EIF5B: variants seen among roughly 807,000 people sequenced by gnomAD.
The protein encoded by EIF5B is eukaryotic translation initiation factor 5B, also known as eIF-5B.
In EIF5B, 47 loss-of-function variants were observed where a neutral mutation model predicts 147.5. The observed-to-expected ratio is 0.32, with a 90% CI of 0.25 to 0.41. The LOEUF (loss-of-function observed/expected upper bound fraction) is 0.41, where lower values mean the gene tolerates loss of function less well. Ranked by LOEUF, EIF5B falls within the 10% of genes least tolerant of loss-of-function variation. EIF5B has a pLI of 1.00. For synonymous variants in EIF5B, 455 were observed against 456.2 expected, an observed-to-expected ratio of 1.00 and a Z score of 0.03; for missense variants, 1,064 against 1,413.2, an observed-to-expected ratio of 0.75 and a Z score of 3.96.
At chr2:99,398,724 T>G (rs1487750256) in intron 22 of EIF5B, 24 bp from the exon 23 acceptor site, 1 of 1,595,934 alleles carries the variant, frequency 6.3e-7, no homozygotes, top group African/African-American at 1.3e-5. Flanking sequence ...TCTGCATGCA[T>G]TTTAATTTGT....
In EIF5B at chr2:99,369,451, A is replaced by C. The variant is rs759997724; in HGVS notation, c.1447A>C (p.Lys483Gln). ...VEVMEQGVPE[K>Q]EETPPPVEPE... ...AGTTATGGAACAAGGAGTACCAGAA[A>C]AGGAAGAGACACCACCTCCTGTTGA... is the stretch of plus-strand genomic sequence containing the variant. Residue 483 changes from lysine (K) to glutamine (Q), a missense_variant, in exon 8 of 24, where the codon AAG (lysine) becomes CAG (glutamine). Around this residue, in one of 4 missense-constraint regions of EIF5B, gnomAD observed 195 missense variants for 186.3 expected, o/e 1.05. Transcript: ENST00000289371. The C allele has an allele frequency of 6.2e-7, 1 of 1,610,656 alleles. No homozygotes were observed. The highest frequency in any genetic ancestry group is 1.7e-5 in the Admixed American group (1 of 59,918).
At position 99,382,244 on chromosome 2, in the gene EIF5B, C is replaced by CT. The variant is rs758527035; in HGVS notation, c.2129+22dup. ...TCTTTCAGGTAAGAGCAATTTGAGT[C>CT]TTTTCTCATCAAGCAATCTACTTGA... On this transcript the variant is annotated intron_variant, in intron 13 of 23. Transcript: ENST00000289371. The CT allele has an allele frequency of 6.2e-7, 1 of 1,606,292 alleles. No homozygotes were observed. Among genetic ancestry groups the CT allele is most frequent in the Non-Finnish European group, 8.5e-7 (1 of 1,173,878 alleles).
At chr2:99,389,421 A>T (rs901772530) in intron 14 of EIF5B, among the ~76,000 whole-genome samples, 2 of 152,188 alleles carry the variant, frequency 1.3e-5, no homozygotes, top group Non-Finnish European at 2.9e-5. Context: ...CGGAATTCCA[A>T]CAATATACAT....
At chr2:99,376,928 C>T (rs993125234) in intron 10 of EIF5B, among the ~76,000 whole-genome samples, 5 of 152,106 alleles carry the variant, frequency 3.3e-5, no homozygotes, top group African/African-American at 9.7e-5. Flanking sequence ...CAGAGGTATT[C>T]TGAGCATATG....
At chr2:99,366,472 C>T (rs1431612849) in intron 6 of EIF5B, among the ~76,000 whole-genome samples, 1 of 152,196 alleles carries the variant, frequency 6.6e-6, no homozygotes, top group African/African-American at 2.4e-5. Flanking sequence ...TCTTACCAGT[C>T]ATAGCTATGG....
Position 99,376,529 on chromosome 2 carries a change from T to G in EIF5B, c.1735T>G (p.Leu579Val), listed in dbSNP as rs1674567552. Residue 579 changes from leucine (L) to valine (V), a missense_variant, in exon 10 of 24, where the codon TTA becomes GTA. This residue lies in a region of EIF5B where 195 missense variants were observed against 186.3 expected (regional missense o/e 1.05). Transcript: ENST00000289371. ...AGATGAGAAGGATTCAGGGAAGACA[T>G]TAGATAAAAAGCCAAGTAAAGAAAT... Reference protein sequence around the residue: ...VSDEKDSGKTLDKKPSKEMSS... With the variant: ...VSDEKDSGKTVDKKPSKEMSS... 1.9e-6 allele frequency: 3 copies of G among 1,613,916 alleles called. No individual in the cohort carries two copies. The highest frequency in any genetic ancestry group is 2.5e-6 in the Non-Finnish European group (3 of 1,179,980).
intron 1 of EIF5B, among the ~76,000 whole-genome samples, chr2:99,344,404 TTTGTTGTTGTTG>T (rs149285717): frequency 6.7e-5 from 10 of 149,514 alleles, no homozygotes; most frequent in East Asian, 3.9e-4. Flanking sequence ...GCCACCACAG[TTTGTTGTTGTTG>T]TTGTTGTTGT....
intron 8 of EIF5B, among the ~76,000 whole-genome samples, chr2:99,370,297 T>C (rs1674418099): frequency 6.6e-6 from 1 of 152,122 alleles, no homozygotes; most frequent in African/African-American, 2.4e-5. Context: ...TACGACTAGA[T>C]ATTGATGGGA....
chr2:99,367,835 T>A (rs1210434713), intron 6 of EIF5B, among the ~76,000 whole-genome samples: 1 of 152,160 alleles, frequency 6.6e-6, no homozygotes, highest in East Asian at 1.9e-4. Flanking sequence ...TTATAAAAAT[T>A]AAGGTCATAT....
intron 1 of EIF5B, among the ~76,000 whole-genome samples, chr2:99,349,199 T>C (rs1209625699): frequency 2.0e-5 from 3 of 152,070 alleles, no homozygotes; most frequent in African/African-American, 7.2e-5. Flanking sequence ...TCTCAAAGAG[T>C]GTCAGAGATA....
rs1201188890 is a variant in EIF5B, at chr2:99,390,407, G to T, written c.2586+6G>T. ...TGAGAGCACAGGTGATGGAGGTAAT[G>T]ATCAACTTTTCAGTTTATTGTTTTT... On this transcript the variant is annotated splice_donor_region_variant and intron_variant, in intron 16 of 23. Transcript: ENST00000289371. 3 of 1,592,400 alleles carry T rather than the reference G, an allele frequency of 1.9e-6. No homozygotes were observed. The highest frequency in any genetic ancestry group is 1.2e-5 in the South Asian group (1 of 86,372).
intron 1 of EIF5B, among the ~76,000 whole-genome samples, chr2:99,352,229 C>G (rs1553533987): frequency 6.6e-6 from 1 of 151,696 alleles, no homozygotes; most frequent in Non-Finnish European, 1.5e-5. Context: ...GAGTTTCGCT[C>G]TTGTTGCTCA....
chr2:99,350,397 C>T (rs368424409), intron 1 of EIF5B, among the ~76,000 whole-genome samples: 1 of 48,658 alleles, frequency 2.1e-5, no homozygotes. Flanking sequence ...ATTTACATTT[C>T]CCCCCACAGT....
intron 14 of EIF5B, 99 bp from the exon 15 acceptor site, chr2:99,389,619 A>G (rs570128646): frequency 2.3e-4 from 262 of 1,147,184 alleles, no homozygotes; most frequent in Middle Eastern, 3.1e-4. Context: ...ACTGTTCTGT[A>G]TATATGAGAC....
At chr2:99,344,004 C>T (rs1374665534) in intron 1 of EIF5B, among the ~76,000 whole-genome samples, 3 of 151,220 alleles carry the variant, frequency 2.0e-5, no homozygotes, top group African/African-American at 4.9e-5. Context: ...CTGCAAGCTC[C>T]GCCTCCCGGG....
chr2:99,345,510 C>T (rs951692162), intron 1 of EIF5B, among the ~76,000 whole-genome samples: 2 of 149,742 alleles, frequency 1.3e-5, no homozygotes, highest in Non-Finnish European at 3.0e-5. Flanking sequence ...ATAAGAATTG[C>T]TTGAACCCGG....
intron 9 of EIF5B, among the ~76,000 whole-genome samples, chr2:99,372,634 C>T (rs1025023808): frequency 2.0e-5 from 3 of 152,094 alleles, no homozygotes; most frequent in East Asian, 1.9e-4. Flanking sequence ...CACCACAGCC[C>T]GCCTAGTGTA....
At chr2:99,371,102 T>G (rs1205229062) in intron 8 of EIF5B, 3 of 152,216 alleles carry the variant, frequency 2.0e-5, no homozygotes, top group African/African-American at 7.2e-5. Context: ...ACAATTAGCT[T>G]GAATGTAAAA....
rs199960647 is a variant in EIF5B at position 99,361,511 on chromosome 2, C to G, written c.610C>G (p.Gln204Glu). 1.6e-5 allele frequency: 26 copies of G among 1,613,578 alleles called. No homozygotes were observed. The Admixed American group carries it at 3.5e-4, about 22-fold the overall frequency. The change falls in exon 4 of 24, where the codon CAG (glutamine) becomes GAG (glutamate). Residue 204 changes from glutamine to glutamate, a missense_variant. This residue lies in a region of EIF5B where 458 missense variants were observed against 451.3 expected (regional missense o/e 1.01). Coordinates refer to ENST00000289371, the MANE Select transcript of EIF5B (RefSeq NM_015904.4). ...LQSRKGQKKN[Q>E]KNKPGPNIES... ...ATCTAGAAAAGGACAGAAAAAAAAT[C>G]AGAAAAACAAGCCAGGTCCTAACAT...
Sources: allele counts gnomAD v4.1 joint callset (sites outside exome capture counted in the v4.1 genomes callset), GRCh38; gene constraint gnomAD v4.1.1; regional missense constraint gnomAD v4.1.1; transcripts MANE v1.5; gene names NCBI Gene and HGNC (gene_info 2026-07-23, HGNC 2026-07-21).